NTRK2: variants seen among roughly 807,000 people sequenced by gnomAD.
NTRK2 encodes BDNF/NT-3 growth factors receptor.
A neutral mutation model predicts 94.5 loss-of-function variants in NTRK2; 13 were observed. That is an observed-to-expected ratio of 0.14 (90% CI 0.09 to 0.22). NTRK2 has a LOEUF of 0.22. Ranked by LOEUF, NTRK2 falls within the 10% of genes least tolerant of loss-of-function variation. The probability of loss-of-function intolerance (pLI) is 1.00; values close to 1 mark genes in which losing one functional copy is unlikely to be tolerated. For missense variants in NTRK2, 639 were observed against 1,071.2 expected (o/e 0.60, Z 5.63); for synonymous variants, 372 against 407.4 (o/e 0.91, Z 1.05).
chr9:84,997,284 C>T (rs4388524), intron 17 of NTRK2, among the ~76,000 whole-genome samples: 110,851 of 151,962 alleles, frequency 0.73, 41,068 homozygotes, highest in African/African-American at 0.82. Context: ...GACTGAAAAC[C>T]ATCTCCATTC....
At chr9:84,741,205 C>T (rs992380904) in intron 9 of NTRK2, among the ~76,000 whole-genome samples, 1 of 152,174 alleles carries the variant, frequency 6.6e-6, no homozygotes, top group Admixed American at 6.5e-5. Context: ...TTTTGATCAT[C>T]TTGGTGACTG....
intron 15 of NTRK2, among the ~76,000 whole-genome samples, chr9:84,937,065 C>T (rs551799880): frequency 6.6e-6 from 1 of 152,270 alleles, no homozygotes; most frequent in African/African-American, 2.4e-5. Context: ...CTGACCTGCT[C>T]ATTTTTAGGG....
At chr9:84,911,716 T>G (rs1284005491) in intron 14 of NTRK2, among the ~76,000 whole-genome samples, 3 of 152,148 alleles carry the variant, frequency 2.0e-5, no homozygotes, top group African/African-American at 7.2e-5. Context: ...ATTTCTTGGT[T>G]TAGTGTTTTC....
intron 8 of NTRK2, 106 bp downstream of exon 8, chr9:84,724,462 A>G: frequency 7.6e-7 from 1 of 1,323,306 alleles, no homozygotes; most frequent in Non-Finnish European, 1.1e-6. Flanking sequence ...TAAAAAAAGT[A>G]TATGCAGTGT....
At chr9:84,908,731 C>G (rs1489542575) in intron 14 of NTRK2, among the ~76,000 whole-genome samples, 1 of 152,092 alleles carries the variant, frequency 6.6e-6, no homozygotes, top group Admixed American at 6.5e-5. Flanking sequence ...CAGGTGGGAC[C>G]AAATCCATAA....
In NTRK2 at chr9:85,024,896, T is replaced by C. The variant is rs1424893989; in HGVS notation, c.*3459T>C. The stretch of plus-strand genomic sequence containing the variant: ...TCACATCAGCGCTACCTGTGATGTT[T>C]TCATGTATTTATGTATGTGTTATAA... On this transcript the variant is annotated 3_prime_UTR_variant, in exon 19 of 19. Coordinates refer to ENST00000277120, the MANE Select transcript of NTRK2 (RefSeq NM_006180.6). The C allele has an allele frequency of 1.7e-5, 4 of 232,916 alleles. No homozygotes were observed. The highest frequency in any genetic ancestry group is 5.6e-5 in the Admixed American group (1 of 17,778). The allele number at this position is 232,916 out of a possible 1,614,324, so 14.4% of individuals were successfully genotyped here.
At chr9:84,886,915 G>C (rs1450958282) in intron 14 of NTRK2, among the ~76,000 whole-genome samples, 2 of 152,218 alleles carry the variant, frequency 1.3e-5, no homozygotes, top group Non-Finnish European at 2.9e-5. Context: ...TATGAAAGGA[G>C]CAGTGAATGG....
chr9:84,828,089 C>T (rs1361132962), intron 12 of NTRK2, among the ~76,000 whole-genome samples: 1 of 152,208 alleles, frequency 6.6e-6, no homozygotes, highest in East Asian at 1.9e-4. Context: ...TAATTTCTCT[C>T]AGAGGGACAT....
chr9:84,690,157 T>A (rs2059960033), intron 2 of NTRK2, among the ~76,000 whole-genome samples: 1 of 152,170 alleles, frequency 6.6e-6, no homozygotes. Context: ...TCCCTTTCCT[T>A]ACTCCCATAG....
intron 9 of NTRK2, among the ~76,000 whole-genome samples, chr9:84,736,344 T>G (rs1054541393): frequency 1.3e-5 from 2 of 152,218 alleles, no homozygotes; most frequent in African/African-American, 2.4e-5. Context: ...GGAAGAGCTT[T>G]TCCCACAGCT....
chr9:84,855,444 G>T (rs527878501), intron 12 of NTRK2, among the ~76,000 whole-genome samples: 3 of 152,184 alleles, frequency 2.0e-5, no homozygotes, highest in East Asian at 3.9e-4. Context: ...AGCATTTGGG[G>T]GTGAGAACTC....
chr9:84,883,654 T>A (rs2132233935), intron 14 of NTRK2, among the ~76,000 whole-genome samples: 1 of 152,332 alleles, frequency 6.6e-6, no homozygotes, highest in East Asian at 1.9e-4. Context: ...ATGAGAAGAA[T>A]CTACTGATTG....
chr9:84,736,187 G>A (rs1002691678), intron 9 of NTRK2, among the ~76,000 whole-genome samples: 2 of 152,202 alleles, frequency 1.3e-5, no homozygotes, highest in Non-Finnish European at 2.9e-5. Flanking sequence ...CATAAAGAGT[G>A]TCTGTATGGC....
In NTRK2 at chr9:84,738,303, C is replaced by T. The variant is rs560519549; in HGVS notation, c.1160-3589C>T. 4.0e-5 allele frequency among the ~76,000 whole-genome samples: 6 copies of T among 151,758 alleles called. 1 individual carries two copies. In the South Asian group the frequency reaches 1.2e-3, roughly 31 times the overall value. ...AGCTTCTTTGTCTTTCATTAATTCT[C>T]TTCTTCTTGGATTTTTTTCTCATAG... is the stretch of plus-strand genomic sequence containing the variant. On this transcript the variant is annotated intron_variant, in intron 9 of 18. Coordinates refer to ENST00000277120, the MANE Select transcript of NTRK2 (RefSeq NM_006180.6).
intron 2 of NTRK2, among the ~76,000 whole-genome samples, chr9:84,679,229 T>C (rs1306078773): frequency 2.6e-5 from 4 of 152,208 alleles, no homozygotes; most frequent in Non-Finnish European, 5.9e-5. Flanking sequence ...CTAAGGTACA[T>C]GGGTTTGGCC....
At chr9:84,787,881 C>T (rs1188870627) in intron 12 of NTRK2, among the ~76,000 whole-genome samples, 2 of 152,140 alleles carry the variant, frequency 1.3e-5, no homozygotes, top group African/African-American at 2.4e-5. Flanking sequence ...AGACAGACTT[C>T]TCGAGTTTGA....
intron 12 of NTRK2, among the ~76,000 whole-genome samples, chr9:84,763,545 C>T (rs1325734625): frequency 2.6e-5 from 4 of 151,892 alleles, no homozygotes; most frequent in Non-Finnish European, 5.9e-5. Context: ...TTCATACACT[C>T]AACACCTAGA....
At chr9:84,862,695 G>T (rs1380696823) in intron 13 of NTRK2, among the ~76,000 whole-genome samples, 2 of 152,208 alleles carry the variant, frequency 1.3e-5, no homozygotes, top group East Asian at 3.9e-4. Flanking sequence ...AAAGAAAGGG[G>T]CACACCATGG....
chr9:84,819,838 G>A (rs769789115), intron 12 of NTRK2, among the ~76,000 whole-genome samples: 3 of 152,118 alleles, frequency 2.0e-5, no homozygotes, highest in East Asian at 3.9e-4. Context: ...CAGTTCCTGA[G>A]TGCCTATTTC....
Sources: allele counts gnomAD v4.1 joint callset (sites outside exome capture counted in the v4.1 genomes callset), GRCh38; gene constraint gnomAD v4.1.1; transcripts MANE v1.5; gene names NCBI Gene and HGNC (gene_info 2026-07-23, HGNC 2026-07-21).